The following CR1L variants were observed in gnomAD, a reference collection of about 807,000 sequenced individuals.
CR1L encodes the protein complement C3b/C4b receptor 1 like, also known as complement component receptor 1-like protein.
CR1L carries 59 observed loss-of-function variants against 62.3 expected under a neutral mutation model. The observed-to-expected ratio is 0.95, with a 90% confidence interval of 0.77 to 1.18. The LOEUF (loss-of-function observed/expected upper bound fraction) is 1.18. Among genes scored for constraint, CR1L ranks in the 50% most tolerant of loss-of-function variants. The pLI is 0.00. For synonymous variants in CR1L, 279 were observed against 248.7 expected (o/e 1.12, Z -1.15); for missense variants, 700 against 702.8 (o/e 1.00, Z 0.04).
rs746770464 is a variant in CR1L, at chr1:207,677,546, A to T, written c.255A>T (p.Thr85=). The part of the protein sequence containing the change: ...SIICLKNSVW[T]SAKDKCKRKS... ...TCTGCCTAAAAAACTCAGTCTGGAC[A>T]AGTGCTAAGGACAAGTGCAAACGTA... Residue 85 remains threonine (T), a synonymous_variant, in exon 2 of 12, where the codon ACA becomes ACT. Transcript: ENST00000508064. 3 of 1,613,912 alleles carry T rather than the reference A, an allele frequency of 1.9e-6. No homozygotes were observed. Among genetic ancestry groups the T allele is most frequent in the Non-Finnish European group, 1.7e-6 (2 of 1,179,808 alleles).
chr1:207,708,958 A>T, intron 10 of CR1L: 2 of 357,416 alleles, frequency 5.6e-6, no homozygotes, highest in Non-Finnish European at 1.1e-5. Flanking sequence ...AATTGGGTGC[A>T]TTCAGGGTGG....
At chr1:207,723,511 T>C (rs1166360453) in intron 11 of CR1L, 107 bp from the exon 12 acceptor site, 1 of 919,812 alleles carries the variant, frequency 1.1e-6, no homozygotes, top group Non-Finnish European at 1.7e-6. Context: ...AAAATATTAG[T>C]CTGAGTCCTG....
At chr1:207,694,136 G>A (rs1434163369) in intron 4 of CR1L, among the ~76,000 whole-genome samples, 1 of 152,120 alleles carries the variant, frequency 6.6e-6, no homozygotes, top group Non-Finnish European at 1.5e-5. Context: ...AATGTGGATG[G>A]AGTTAATAAA....
chr1:207,673,582 G>C (rs1453396217), intron 1 of CR1L, among the ~76,000 whole-genome samples: 3 of 152,128 alleles, frequency 2.0e-5, no homozygotes, highest in African/African-American at 7.2e-5. Context: ...CATGAAATTG[G>C]GCTGAGTCAT....
intron 4 of CR1L, among the ~76,000 whole-genome samples, chr1:207,692,871 C>T (rs1370933132): frequency 1.3e-5 from 2 of 152,156 alleles, no homozygotes; most frequent in African/African-American, 4.8e-5. Context: ...TAAATGAAAA[C>T]ATACCCGCAT....
At chr1:207,666,553 G>C (rs564294800) in intron 1 of CR1L, among the ~76,000 whole-genome samples, 1 of 152,288 alleles carries the variant, frequency 6.6e-6, no homozygotes, top group South Asian at 2.1e-4. Flanking sequence ...CCTCTTCAGG[G>C]ACATGGATGG....
intron 5 of CR1L, among the ~76,000 whole-genome samples, chr1:207,695,752 C>T (rs1422697615): frequency 1.3e-5 from 2 of 152,202 alleles, no homozygotes; most frequent in African/African-American, 4.8e-5. Context: ...AACTTACAAT[C>T]ATGGTGGAAG....
intron 9 of CR1L, among the ~76,000 whole-genome samples, chr1:207,706,848 AAAC>A (rs1185148938): frequency 6.6e-6 from 1 of 152,208 alleles, no homozygotes; most frequent in African/African-American, 2.4e-5. Flanking sequence ...TGGTAAAAAC[AAAC>A]AACAACAACA....
At chr1:207,661,028 T>G (rs9729474) in intron 1 of CR1L, among the ~76,000 whole-genome samples, 71,946 of 151,962 alleles carry the variant, frequency 0.47, 17,566 homozygotes, top group African/African-American at 0.59. Flanking sequence ...TATAATTTCT[T>G]TTCTTTTACA....
intron 1 of CR1L, among the ~76,000 whole-genome samples, chr1:207,648,042 T>G (rs891847522): frequency 3.9e-5 from 6 of 151,984 alleles, no homozygotes; most frequent in African/African-American, 1.5e-4. Flanking sequence ...TGCATGCCTG[T>G]GGTCCCAGCT....
chr1:207,698,773 T>C (rs1401714694), intron 7 of CR1L, among the ~76,000 whole-genome samples: 1 of 152,212 alleles, frequency 6.6e-6, no homozygotes, highest in Non-Finnish European at 1.5e-5. Context: ...GGACAATCTC[T>C]GTTCTCTCGC....
intron 1 of CR1L, among the ~76,000 whole-genome samples, chr1:207,676,209 T>C (rs1396257942): frequency 6.6e-6 from 1 of 152,202 alleles, no homozygotes; most frequent in Non-Finnish European, 1.5e-5. Context: ...AGCTTAGTTT[T>C]CTTCAAACTA....
chr1:207,706,889 T>A (rs35850268), intron 9 of CR1L, among the ~76,000 whole-genome samples: 20,473 of 152,054 alleles, frequency 0.13, 1,766 homozygotes, highest in Admixed American at 0.21. Flanking sequence ...AAACTGGCAA[T>A]GTAATCATAA....
intron 10 of CR1L, among the ~76,000 whole-genome samples, chr1:207,714,347 T>C (rs1193009685): frequency 6.6e-6 from 1 of 152,166 alleles, no homozygotes; most frequent in African/African-American, 2.4e-5. Context: ...AGCAGGTATA[T>C]GTGAAATAGA....
At chr1:207,707,664 T>C (rs1256693398) in intron 9 of CR1L, among the ~76,000 whole-genome samples, 1 of 152,012 alleles carries the variant, frequency 6.6e-6, no homozygotes, top group Non-Finnish European at 1.5e-5. Flanking sequence ...ATCAAATATA[T>C]AATTTATTTC....
chr1:207,682,775 C>G (rs1663820767), intron 3 of CR1L, among the ~76,000 whole-genome samples: 1 of 152,204 alleles, frequency 6.6e-6, no homozygotes, highest in African/African-American at 2.4e-5. Flanking sequence ...GCCCAACCAT[C>G]TATCACAACA....
chr1:207,659,669 C>T (rs192049285), intron 1 of CR1L, among the ~76,000 whole-genome samples: 613 of 152,266 alleles, frequency 4.0e-3, no homozygotes, highest in African/African-American at 0.014. Context: ...GTGGATGCAG[C>T]CCATGGAGGG....
rs1198665449 is a variant in CR1L at position 207,670,576 on chromosome 1, G to A, written c.98-6813G>A. On this transcript the variant is annotated intron_variant, in intron 1 of 11. Coordinates refer to ENST00000508064, the MANE Select transcript of CR1L (RefSeq NM_175710.2). ...TGACAGTTTTGGTTGTTTTGGTCCTGTCTCTTCCTGACAACTCAGGGTTCG... is the reference window on the plus strand; with the variant it reads ...TGACAGTTTTGGTTGTTTTGGTCCTATCTCTTCCTGACAACTCAGGGTTCG... 2.0e-5 allele frequency among the ~76,000 whole-genome samples: 3 copies of A among 150,836 alleles called. 1 individual carries two copies. The highest frequency in any genetic ancestry group is 7.5e-5 in the African/African-American group (3 of 40,174).
intron 4 of CR1L, among the ~76,000 whole-genome samples, chr1:207,691,507 T>C: frequency 6.6e-6 from 1 of 152,014 alleles, no homozygotes; most frequent in East Asian, 1.9e-4. Context: ...AATAAATAAA[T>C]TTAATCTAGT....
Sources: gnomAD v4.1 joint callset for allele counts (sites outside exome capture counted in the v4.1 genomes callset) on GRCh38, gnomAD v4.1.1 for gene constraint, MANE v1.5 for transcripts, NCBI Gene and HGNC (gene_info 2026-07-23, HGNC 2026-07-21) for gene names.